GPR63: variants seen among roughly 807,000 people sequenced by gnomAD.
The protein encoded by GPR63 is probable G protein-coupled receptor 63.
GPR63 carries 12 observed loss-of-function variants against 23.1 expected under a neutral mutation model. The observed-to-expected ratio is 0.52, with a 90% CI of 0.33 to 0.84. The LOEUF (loss-of-function observed/expected upper bound fraction) is 0.84, where lower values mean the gene tolerates loss of function less well. GPR63 is among the 40% of genes least tolerant of loss of function. The pLI, the probability that GPR63 is intolerant of heterozygous loss-of-function variation, is 0.02. For missense variants in GPR63, 472 were observed against 515.6 expected (o/e 0.92, Z 0.82); for synonymous variants, 172 against 191.1 (o/e 0.90, Z 0.82).
At chr6:96,808,267 G>A (rs1244147029) in intron 1 of GPR63, among the ~76,000 whole-genome samples, 1 of 152,044 alleles carries the variant, frequency 6.6e-6, no homozygotes, top group African/African-American at 2.4e-5. Context: ...ATGACATATG[G>A]AATCTAAATA....
At chr6:96,808,019 CAG>C (rs1233079404) in intron 1 of GPR63, among the ~76,000 whole-genome samples, 2 of 152,154 alleles carry the variant, frequency 1.3e-5, no homozygotes, top group Non-Finnish European at 2.9e-5. Context: ...TGCTGTAAAA[CAG>C]AGAATACAAC....
chr6:96,798,775 G>C lies in GPR63; in HGVS notation c.957C>G (p.Leu319=). 2 of 1,614,152 alleles carry C rather than the reference G, an allele frequency of 1.2e-6. No homozygotes were observed. The highest frequency in any genetic ancestry group is 1.7e-6 in the Non-Finnish European group (2 of 1,180,032). ...CCCAGCAGACAATGAAGACAGCAAA[G>C]AGAATCAAAATAGTGGTGAAGGCAC... ...KTRAFTTILI[L]FAVFIVCWAP... is the part of the protein sequence containing the mutation. The change falls in exon 2 of 2, where the codon CTC becomes CTG. Residue 319 remains leucine (L), a synonymous_variant. Coordinates refer to ENST00000229955, the MANE Select transcript of GPR63 (RefSeq NM_030784.4).
chr6:96,803,327 A>AG (rs1225391682), intron 1 of GPR63, among the ~76,000 whole-genome samples: 1 of 152,222 alleles, frequency 6.6e-6, no homozygotes, highest in Non-Finnish European at 1.5e-5. Context: ...TGTATATGGA[A>AG]GCCTACCCAC....
At position 96,797,603 on chromosome 6, in the gene GPR63, C is replaced by T. The variant is rs185528300; in HGVS notation, c.*869G>A. On this transcript the variant is annotated 3_prime_UTR_variant, in exon 2 of 2. Coordinates refer to ENST00000229955, the MANE Select transcript of GPR63 (RefSeq NM_030784.4). ...ATAAAATGATGCACAGTGCCTGACACATAGGTGTCCATAAATATCAACCCC... is the reference window on the plus strand; with the variant it reads ...ATAAAATGATGCACAGTGCCTGACATATAGGTGTCCATAAATATCAACCCC... The T allele has an allele frequency of 5.3e-5, 8 of 152,312 alleles. No individual in the cohort carries two copies. The East Asian group carries it at 1.5e-3, about 29-fold the overall frequency. The allele number at this position is 152,312 out of a possible 1,614,324, so 9.4% of individuals were successfully genotyped here.
At chr6:96,809,081 C>T (rs1349755649) in intron 1 of GPR63, among the ~76,000 whole-genome samples, 1 of 151,938 alleles carries the variant, frequency 6.6e-6, no homozygotes, top group Non-Finnish European at 1.5e-5. Flanking sequence ...ATTATTTTGA[C>T]TGTATCTCTA....
intron 1 of GPR63, among the ~76,000 whole-genome samples, chr6:96,810,581 T>G (rs532849328): frequency 6.6e-6 from 1 of 150,512 alleles, no homozygotes; most frequent in East Asian, 2.0e-4. Context: ...AAACAATAGG[T>G]CAATCTAGAA....
chr6:96,797,068 C>T lies in GPR63; in HGVS notation c.*1404G>A, dbSNP rs1773600608. ...TACAAAAGAAAATACAAAAAAATAG[C>T]TGGGTGTGGTGGCACACACCTGTGT... On this transcript the variant is annotated 3_prime_UTR_variant, in exon 2 of 2. Transcript: ENST00000229955. 6.6e-6 allele frequency: 1 copy of T among 151,902 alleles called. No homozygotes were observed. Among genetic ancestry groups the T allele is most frequent in the African/African-American group, 2.4e-5 (1 of 41,314 alleles). The allele number at this position is 151,902 out of a possible 1,614,324, so 9.4% of individuals were successfully genotyped here. A position where few individuals can be genotyped will look rare whatever the true frequency, so the allele number is the denominator to read the frequency against.
chr6:96,810,043 G>A (rs1400271896), intron 1 of GPR63, among the ~76,000 whole-genome samples: 2 of 152,118 alleles, frequency 1.3e-5, no homozygotes, highest in African/African-American at 2.4e-5. Flanking sequence ...CATTTTGGGA[G>A]TAAGAGTAGG....
intron 1 of GPR63, among the ~76,000 whole-genome samples, chr6:96,830,841 G>C (rs1009809734): frequency 1.3e-5 from 2 of 151,988 alleles, no homozygotes; most frequent in Non-Finnish European, 2.9e-5. Context: ...TTCTAGTTTT[G>C]TTACTAGAAG....
At position 96,799,203 on chromosome 6, in the gene GPR63, T is replaced by C. The variant is rs189889136; in HGVS notation, c.529A>G (p.Ile177Val). 161 of 1,614,194 alleles carry C rather than the reference T, an allele frequency of 1.0e-4. 1 individual carries two copies. The East Asian group carries it at 3.1e-3, about 31-fold the overall frequency. ...EGVAILLIIS[I>V]DRFLIIVQRQ... ...TGGACTATAATAAGGAACCTATCTA[T>C]GCTAATGATGAGCAGGATGGCTACT... is the stretch of plus-strand genomic sequence containing the variant. The change falls in exon 2 of 2, where the codon ATA becomes GTA. Residue 177 changes from isoleucine to valine, a missense_variant. Ile to Val is a conservative substitution (Grantham distance 29). Transcript: ENST00000229955.
intron 1 of GPR63, among the ~76,000 whole-genome samples, chr6:96,833,091 G>T (rs886808623): frequency 2.9e-4 from 44 of 152,320 alleles, no homozygotes; most frequent in Middle Eastern, 3.4e-3. Flanking sequence ...TTTATGCAGG[G>T]TTAATCAAAA....
At chr6:96,829,818 T>A (rs999326194) in intron 1 of GPR63, among the ~76,000 whole-genome samples, 2 of 151,338 alleles carry the variant, frequency 1.3e-5, no homozygotes, top group Non-Finnish European at 3.0e-5. Context: ...ACCTAAAAAA[T>A]TAGAATAAAG....
intron 1 of GPR63, among the ~76,000 whole-genome samples, chr6:96,824,441 T>C (rs1774387692): frequency 6.6e-6 from 1 of 152,006 alleles, no homozygotes; most frequent in Non-Finnish European, 1.5e-5. Flanking sequence ...TATTTCTAAA[T>C]TTTAATATTC....
At chr6:96,806,019 A>G (rs915308723) in intron 1 of GPR63, among the ~76,000 whole-genome samples, 7 of 152,290 alleles carry the variant, frequency 4.6e-5, no homozygotes, top group African/African-American at 1.4e-4. Context: ...AGCAAAGACT[A>G]CTTGAAGCAT....
chr6:96,802,439 C>T (rs1477900385), intron 1 of GPR63, among the ~76,000 whole-genome samples: 3 of 151,762 alleles, frequency 2.0e-5, no homozygotes, highest in Non-Finnish European at 4.4e-5. Flanking sequence ...CCGAAAATTA[C>T]ACTGAAATGA....
In GPR63 at chr6:96,799,488, T is replaced by A; in HGVS notation, c.244A>T (p.Ile82Phe). The A allele has an allele frequency of 6.2e-7, 1 of 1,614,088 alleles. No homozygotes were observed. The highest frequency in any genetic ancestry group is 1.1e-5 in the South Asian group (1 of 91,076). Reference sequence around the variant, plus strand: ...AATATCATTATAGCAGAAAGGGTGATCTGAAGAGGCAAGTTTAGGCTCTTA... The same window carrying A: ...AATATCATTATAGCAGAAAGGGTGAACTGAAGAGGCAAGTTTAGGCTCTTA... Reference protein sequence around the residue: ...AFKSLNLPLQITLSAIMIFIL... With the variant: ...AFKSLNLPLQFTLSAIMIFIL... The change falls in exon 2 of 2, where the codon ATC (isoleucine) becomes TTC (phenylalanine). Residue 82 changes from isoleucine (I) to phenylalanine (F), a missense_variant. Ile to Phe is a conservative substitution (Grantham distance 21). Coordinates refer to ENST00000229955, the MANE Select transcript of GPR63 (RefSeq NM_030784.4).
intron 1 of GPR63, among the ~76,000 whole-genome samples, chr6:96,823,836 T>A (rs1190613797): frequency 6.6e-6 from 1 of 152,164 alleles, no homozygotes; most frequent in Non-Finnish European, 1.5e-5. Flanking sequence ...TTGCCTACAG[T>A]ATTCAATACA....
chr6:96,825,845 G>A (rs577028806), intron 1 of GPR63, among the ~76,000 whole-genome samples: 3 of 151,048 alleles, frequency 2.0e-5, no homozygotes, highest in Middle Eastern at 3.4e-3. Flanking sequence ...TGCTTTTATT[G>A]TTAACCTACA....
rs1774233902 is a variant in GPR63 at position 96,819,127 on chromosome 6, T to C, written c.-151+18141A>G. Among the ~76,000 whole-genome samples the C allele has an allele frequency of 2.0e-5, 3 of 152,216 alleles. No homozygotes were observed. In the South Asian group the frequency reaches 6.2e-4, roughly 31 times the overall value. ...ACAATGTGGTGATTCCTCAAGGATC[T>C]AGAACCAGAAATACCATTTGACCCA... On this transcript the variant is annotated intron_variant, in intron 1 of 1. Coordinates refer to ENST00000229955, the MANE Select transcript of GPR63 (RefSeq NM_030784.4).
Sources: gnomAD v4.1 joint callset for allele counts (sites outside exome capture counted in the v4.1 genomes callset) on GRCh38, gnomAD v4.1.1 for gene constraint, MANE v1.5 for transcripts, NCBI Gene and HGNC (gene_info 2026-07-23, HGNC 2026-07-21) for gene names.